The following SYNPO variants were observed in gnomAD, a reference collection of about 807,000 sequenced individuals.
SYNPO encodes synaptopodin.
Under a neutral mutation model 49.5 loss-of-function variants are expected in SYNPO, and 19 were observed. That is an observed-to-expected ratio of 0.38 (90% CI 0.27 to 0.56). The LOEUF is 0.56. Among genes scored for constraint, SYNPO ranks in the 20% least tolerant of loss-of-function variants. The pLI is 0.68. For synonymous variants in SYNPO, 536 were observed against 548.0 expected, an observed-to-expected ratio of 0.98 and a Z score of 0.31; for missense variants, 1,131 against 1,248.3, an observed-to-expected ratio of 0.91 and a Z score of 1.42.
chr5:150,594,047 C>A, the SYNPO span, among the ~76,000 whole-genome samples: 1 of 152,166 alleles, frequency 6.6e-6, no homozygotes, highest in Non-Finnish European at 1.5e-5. Context: ...GAGGGGCTTA[C>A]CCTGCACGGC....
chr5:150,618,677 G>A (rs1267063241), exon 2 of SYNPO: 1 of 1,551,224 alleles, frequency 6.4e-7, no homozygotes, highest in East Asian at 2.4e-5. Flanking sequence ...CGACGACAGG[G>A]CCAGCCAGGA....
At chr5:150,608,448 G>C (rs1318728259) in intron 1 of SYNPO, 2 of 152,212 alleles carry the variant, frequency 1.3e-5, no homozygotes, top group African/African-American at 4.8e-5. Context: ...GTGTGAGGCA[G>C]CCGGGCCCAC....
intron 1 of SYNPO, among the ~76,000 whole-genome samples, chr5:150,615,803 C>T (rs985615078): frequency 6.6e-6 from 1 of 152,216 alleles, no homozygotes; most frequent in African/African-American, 2.4e-5. Context: ...GGTGTCAGAG[C>T]TAGGTTGGAA....
At chr5:150,624,821 C>G in intron 2 of SYNPO, 5 of 980,874 alleles carry the variant, frequency 5.1e-6, no homozygotes, top group Non-Finnish European at 6.1e-6. Context: ...TGGCGGGGAC[C>G]TCGGGGCGGG....
At position 150,657,404 on chromosome 5, in the gene SYNPO, A is replaced by C; in HGVS notation, c.*317A>C. 2.6e-6 allele frequency: 1 copy of C among 383,964 alleles called. No homozygotes were observed. The allele number at this position is 383,964 out of a possible 1,614,324, so 23.8% of individuals were successfully genotyped here. A position where few individuals can be genotyped will look rare whatever the true frequency, so the allele number is the denominator to read the frequency against. ...CATCAGTACACACACCGATGCACAC[A>C]CACTCTCTCTTTCTCTCTCTCTCTC... On this transcript the variant is annotated 3_prime_UTR_variant, in exon 3 of 3. Coordinates refer to ENST00000307662, the MANE Select transcript of SYNPO (RefSeq NM_007286.6).
At chr5:150,612,705 T>C (rs921645427) in intron 1 of SYNPO, among the ~76,000 whole-genome samples, 6 of 152,242 alleles carry the variant, frequency 3.9e-5, no homozygotes, top group Non-Finnish European at 8.8e-5. Flanking sequence ...AGTGTCTGAA[T>C]AGCACCTGAC....
In SYNPO at chr5:150,657,049, C is replaced by T. The variant is rs1758598892; in HGVS notation, c.2674C>T (p.Arg892Cys). 1 of 1,598,680 alleles carries T rather than the reference C, an allele frequency of 6.3e-7. No homozygotes were observed. Among genetic ancestry groups the T allele is most frequent in the African/African-American group, 1.3e-5 (1 of 74,640 alleles). ...RGWNGSLRLK[R>C]GSLPAEASCT... ...GTGGAATGGCAGCCTTCGGCTCAAG[C>T]GTGGCAGCCTCCCCGCCGAGGCCTC... The change falls in exon 3 of 3, where the codon CGT becomes TGT. Residue 892 changes from arginine to cysteine, a missense_variant. Arg to Cys is a radical substitution (Grantham distance 180). This residue lies in a region of SYNPO where 509 missense variants were observed against 484.5 expected (regional missense o/e 1.05). Transcript: ENST00000307662.
At chr5:150,598,157 A>G (rs934365067), upstream of SYNPO, among the ~76,000 whole-genome samples, 2 of 152,122 alleles carry the variant, frequency 1.3e-5, no homozygotes, top group Non-Finnish European at 2.9e-5. Context: ...CCGCCCACAG[A>G]GAAACACACA....
In SYNPO at chr5:150,618,552, GC is replaced by G. The variant is rs1355802679; in HGVS notation, c.186del (p.Ser62ArgfsTer49). 9 of 1,550,504 alleles carry G rather than the reference GC, an allele frequency of 5.8e-6. No homozygotes were observed. In the African/African-American group the frequency reaches 1.1e-4, roughly 19 times the overall value. The stretch of plus-strand genomic sequence containing the variant: ...GACCTGGAAGAGGATGAGGGGGTCA[GC>G]AGGAGTGGGGACGACTCTGCCTGCA... On this transcript the variant is annotated frameshift_variant, in exon 2 of 3. Coordinates refer to the SYNPO transcript ENST00000394243. LOFTEE classifies it high-confidence loss of function.
At chr5:150,595,813 C>G in the SYNPO span, among the ~76,000 whole-genome samples, 48 of 150,316 alleles carry the variant, frequency 3.2e-4, no homozygotes, top group South Asian at 9.5e-3. Context: ...CCACTCCCCC[C>G]TCATTTCCTC....
intron 2 of SYNPO, among the ~76,000 whole-genome samples, chr5:150,629,638 G>A (rs11947995): frequency 5.4e-4 from 82 of 152,278 alleles, no homozygotes; most frequent in African/African-American, 1.9e-3. Context: ...AGACCCTTGC[G>A]TGTAATCCTC....
chr5:150,591,071 G>A, the SYNPO span, among the ~76,000 whole-genome samples: 1 of 152,180 alleles, frequency 6.6e-6, no homozygotes, highest in African/African-American at 2.4e-5. Flanking sequence ...GGCCTGGGAT[G>A]GGGGCACTAA....
chr5:150,599,229 G>A (rs191737526), upstream of SYNPO, among the ~76,000 whole-genome samples: 871 of 152,326 alleles, frequency 5.7e-3, 22 homozygotes, highest in Admixed American at 0.042. Flanking sequence ...TGAGTGAAAC[G>A]ACGATCTCTG....
chr5:150,618,468 C>G (rs773413540), exon 2 of SYNPO: 1 of 1,551,618 alleles, frequency 6.4e-7, no homozygotes. Flanking sequence ...AGGTGTCTGG[C>G]TCTGGAAGCC....
chr5:150,637,717 C>T (rs905202744), upstream of SYNPO, among the ~76,000 whole-genome samples: 20 of 152,302 alleles, frequency 1.3e-4, no homozygotes, highest in African/African-American at 4.1e-4. Flanking sequence ...GTTCCTCCTG[C>T]GTTTTTTCTT....
chr5:150,647,141 G>A (rs1758127567), intron 1 of SYNPO, among the ~76,000 whole-genome samples: 1 of 152,144 alleles, frequency 6.6e-6, no homozygotes, highest in Non-Finnish European at 1.5e-5. Flanking sequence ...TACTCGGGAG[G>A]CTGAGGCAGG....
chr5:150,652,454 GCTGTGTCCTGCGTGCTGC>G, intron 2 of SYNPO: 10 of 967,526 alleles, frequency 1.0e-5, no homozygotes, highest in Non-Finnish European at 1.2e-5. Flanking sequence ...TGAAAGTGTG[GCTGTGTCCTGCGTGCTGC>G]CTGCACCTGC....
At chr5:150,612,683 T>C (rs1329822171) in intron 1 of SYNPO, among the ~76,000 whole-genome samples, 1 of 152,252 alleles carries the variant, frequency 6.6e-6, no homozygotes, top group African/African-American at 2.4e-5. Flanking sequence ...TCAAATGAGC[T>C]GCTGCAAATG....
In SYNPO at chr5:150,602,996, G is replaced by GA. The variant is rs1491183897; in HGVS notation, c.-266+1808_-266+1809insA. Reference sequence around the variant, plus strand: ...AGTGGAAAGCCCAGTTGCCACCTTAGGGTGTGTGTGTGTGTGTGTGTGTGT... The same window carrying GA: ...AGTGGAAAGCCCAGTTGCCACCTTAGAGGTGTGTGTGTGTGTGTGTGTGTGT... On this transcript the variant is annotated intron_variant, in intron 1 of 2. Transcript: ENST00000394243. 3.5e-3 allele frequency among the ~76,000 whole-genome samples: 479 copies of GA among 138,160 alleles called. 3 individuals are homozygous for GA. Among genetic ancestry groups the GA allele is most frequent in the African/African-American group, 0.013 (454 of 35,654 alleles). The allele number at this position is 138,160 out of a possible 152,430, so 90.6% of individuals were successfully genotyped here.
Sources: allele counts gnomAD v4.1 joint callset (sites outside exome capture counted in the v4.1 genomes callset), GRCh38; gene constraint gnomAD v4.1.1; regional missense constraint gnomAD v4.1.1; transcripts MANE v1.5; gene names NCBI Gene and HGNC (gene_info 2026-07-23, HGNC 2026-07-21).